The following SEZ6 variants were observed in gnomAD, a reference collection of about 807,000 sequenced individuals.
The protein encoded by SEZ6 is seizure protein 6 homolog.
Under a neutral mutation model 101.0 loss-of-function variants are expected in SEZ6, and 53 were observed. The ratio of observed to expected loss-of-function variants is 0.52; its 90% CI spans 0.42 to 0.66. SEZ6 has a LOEUF of 0.66. Among genes scored for constraint, SEZ6 ranks in the 30% least tolerant of loss-of-function variants. The pLI is 0.00. For missense variants in SEZ6, 1,102 were observed against 1,289.4 expected (o/e 0.85, Z 2.23); for synonymous variants, 488 against 512.2 (o/e 0.95, Z 0.64).
intron 1 of SEZ6, among the ~76,000 whole-genome samples, chr17:28,986,880 G>A (rs1184384651): frequency 6.6e-6 from 1 of 152,232 alleles, no homozygotes; most frequent in Admixed American, 6.5e-5. Context: ...GCAGCCTCTG[G>A]AAGGGCAGGT....
chr17:28,965,366 TACAA>T (rs772235491), intron 4 of SEZ6, among the ~76,000 whole-genome samples: 106 of 150,016 alleles, frequency 7.1e-4, no homozygotes, highest in African/African-American at 2.3e-3. Flanking sequence ...AAAACAAACT[TACAA>T]ACAAACAAAA....
intron 3 of SEZ6, among the ~76,000 whole-genome samples, chr17:28,974,831 C>T (rs1173940376): frequency 1.3e-5 from 2 of 152,220 alleles, no homozygotes; most frequent in African/African-American, 4.8e-5. Context: ...CTGGGTCTCC[C>T]ACTTTGGATT....
In SEZ6 at chr17:28,959,008, G is replaced by T. The variant is rs758311511; in HGVS notation, c.2107+17C>A. On this transcript the variant is annotated intron_variant, in intron 10 of 16. Coordinates refer to ENST00000317338, the MANE Select transcript of SEZ6 (RefSeq NM_178860.5). The surrounding 1 kb of genome is among the most constrained non-coding windows in gnomAD (Gnocchi z 4.4). ...GGCTTGCTGTCTGCACTCTGAGTGG[G>T]GTAGGGACAAGCTCACCAAAGAAGT... The T allele has an allele frequency of 3.7e-6, 6 of 1,602,398 alleles. No individual in the cohort carries two copies. The African/African-American group carries it at 5.3e-5, about 14-fold the overall frequency.
intron 1 of SEZ6, among the ~76,000 whole-genome samples, chr17:28,990,417 C>T (rs1349577924): frequency 1.3e-5 from 2 of 152,146 alleles, no homozygotes; most frequent in Non-Finnish European, 2.9e-5. Flanking sequence ...GCATGTGCCA[C>T]CACACCCAGA....
At chr17:28,996,067 C>A (rs2041533238) in intron 1 of SEZ6, among the ~76,000 whole-genome samples, 1 of 151,214 alleles carries the variant, frequency 6.6e-6, no homozygotes, top group African/African-American at 2.4e-5. Context: ...GTGGCGAGAT[C>A]TCGGCTCACT....
Position 28,960,625 on chromosome 17 carries a change from C to G in SEZ6, c.1456G>C (p.Asp486His). Residue 486 changes from aspartate (D) to histidine (H), a missense_variant, in exon 7 of 17, where the codon GAT (aspartate) becomes CAT (histidine). Physicochemically the swap from Asp to His is moderately conservative, Grantham distance 81. This residue lies in a region of SEZ6 where 556 missense variants were observed against 735.1 expected (regional missense o/e 0.76). Transcript: ENST00000317338. ...GDNVEAPPVY[D>H]SYEVEYLPIE... The stretch of plus-strand genomic sequence containing the variant: ...GGCAGGTATTCCACCTCATAGGAAT[C>G]ATACACTGGTGGGGCCTCCACGTTG... The G allele has an allele frequency of 6.3e-7, 1 of 1,594,336 alleles. No individual in the cohort carries two copies. Among genetic ancestry groups the G allele is most frequent in the Non-Finnish European group, 8.5e-7 (1 of 1,170,474 alleles).
intron 5 of SEZ6, 152 bp downstream of exon 5, chr17:28,963,810 G>T: frequency 1.2e-6 from 1 of 818,254 alleles, no homozygotes; most frequent in Non-Finnish European, 2.0e-6. Context: ...TGCTCAATAA[G>T]TGCAGGTTGG....
chr17:28,960,939 G>A lies in SEZ6; in HGVS notation c.1275C>T (p.Thr425=), dbSNP rs61737978. The part of the protein sequence containing the change: ...ACGGVIRNAT[T]GRIVSPGFPG... ...GGAAGCCTGGAGAGACGATGCGGCC[G>A]GTGGTGGCATTGCGGATCACTCCGC... Residue 425 remains threonine, a synonymous_variant, in exon 6 of 17, where the codon ACC becomes ACT. Transcript: ENST00000317338. 194 of 1,613,692 alleles carry A rather than the reference G, an allele frequency of 1.2e-4. No individual in the cohort carries two copies. The highest frequency in any genetic ancestry group is 1.7e-4 in the Admixed American group (10 of 60,000).
chr17:28,998,662 C>T (rs755804381), intron 1 of SEZ6, among the ~76,000 whole-genome samples: 3 of 152,066 alleles, frequency 2.0e-5, no homozygotes, highest in Non-Finnish European at 4.4e-5. Context: ...GAGGGTCCTC[C>T]AATAGCCAGA....
At chr17:29,001,620 CA>C (rs35775468) in intron 1 of SEZ6, among the ~76,000 whole-genome samples, 1 of 152,186 alleles carries the variant, frequency 6.6e-6, no homozygotes, top group African/African-American at 2.4e-5. Context: ...GATAAGAGCC[CA>C]AAAGCTGTTG....
intron 4 of SEZ6, 111 bp from the exon 5 acceptor site, chr17:28,964,258 C>T: frequency 4.4e-6 from 5 of 1,146,126 alleles, no homozygotes; most frequent in Non-Finnish European, 6.1e-6. Flanking sequence ...CATTTGGGGC[C>T]AGAGGAAGCA....
At chr17:28,970,074 G>A (rs905145075) in intron 3 of SEZ6, 122 bp from the exon 4 acceptor site, 18 of 861,382 alleles carry the variant, frequency 2.1e-5, no homozygotes, top group Admixed American at 4.1e-5. Context: ...CTTGAGCATC[G>A]GAGCCCCCAG....
chr17:28,957,492 T>C lies in SEZ6; in HGVS notation c.2350A>G (p.Ile784Val). 6.2e-7 allele frequency: 1 copy of C among 1,613,934 alleles called. No homozygotes were observed. Among genetic ancestry groups the C allele is most frequent in the Non-Finnish European group, 8.5e-7 (1 of 1,179,862 alleles). Residue 784 changes from isoleucine to valine, a missense_variant, in exon 12 of 17, where the codon ATA (isoleucine) becomes GTA (valine). This residue lies in a region of SEZ6 where 556 missense variants were observed against 735.1 expected (regional missense o/e 0.76). Coordinates refer to ENST00000317338, the MANE Select transcript of SEZ6 (RefSeq NM_178860.5). ...CCCACGGGAAACTTGGGGCTGGATA[T>C]GAGGCGTCGGCTGTGCTCCACATCT... ...PGDVEHSRRL[I>V]SSPKFPVGAT...
chr17:29,000,818 G>C (rs1341568054), intron 1 of SEZ6, among the ~76,000 whole-genome samples: 1 of 152,088 alleles, frequency 6.6e-6, no homozygotes, highest in East Asian at 1.9e-4. Context: ...GGGTGCTTAG[G>C]GTGGCTGTTA....
At chr17:29,001,911 C>G (rs1598217495) in intron 1 of SEZ6, among the ~76,000 whole-genome samples, 1 of 152,126 alleles carries the variant, frequency 6.6e-6, no homozygotes, top group Admixed American at 6.5e-5. Flanking sequence ...CTTTGAGGCT[C>G]TCCTGTGCTA....
rs774153297 is a variant in SEZ6 at position 28,957,462 on chromosome 17, T to C, written c.2380A>G (p.Thr794Ala). ...ISSPKFPVGATVQYICDQGFV... is the reference protein window; with the variant it reads ...ISSPKFPVGAAVQYICDQGFV... ...CCCTGGTCACAGATATATTGCACGG[T>C]GGCCCCCACGGGAAACTTGGGGCTG... Residue 794 changes from threonine to alanine, a missense_variant, in exon 12 of 17, where the codon ACC (threonine) becomes GCC (alanine). Around this residue, in one of 3 missense-constraint regions of SEZ6, gnomAD observed 556 missense variants for 735.1 expected, o/e 0.76. Transcript: ENST00000317338. The C allele has an allele frequency of 6.2e-7, 1 of 1,613,738 alleles. No homozygotes were observed. Among genetic ancestry groups the C allele is most frequent in the South Asian group, 1.1e-5 (1 of 91,048 alleles).
intron 3 of SEZ6, among the ~76,000 whole-genome samples, chr17:28,976,247 G>T (rs930255051): frequency 6.6e-6 from 1 of 152,228 alleles, no homozygotes; most frequent in Non-Finnish European, 1.5e-5. Context: ...TCCAAGCCAT[G>T]GAGAATAGGG....
At chr17:28,962,596 T>C (rs2040996662) in intron 5 of SEZ6, among the ~76,000 whole-genome samples, 1 of 150,984 alleles carries the variant, frequency 6.6e-6, no homozygotes, top group South Asian at 2.1e-4. Context: ...CTGGCCAACA[T>C]GGTGAAACCC....
chr17:28,972,551 G>A (rs1245767533), intron 3 of SEZ6, among the ~76,000 whole-genome samples: 5 of 152,200 alleles, frequency 3.3e-5, no homozygotes, highest in Non-Finnish European at 7.3e-5. Context: ...CAGGGTGCTG[G>A]AGGCCGAGGC....
Sources: gnomAD v4.1 joint callset for allele counts (sites outside exome capture counted in the v4.1 genomes callset) on GRCh38, gnomAD v4.1.1 for gene constraint, gnomAD v4.1.1 regional missense constraint, Gnocchi (gnomAD v3.1) non-coding constraint, MANE v1.5 for transcripts, NCBI Gene and HGNC (gene_info 2026-07-23, HGNC 2026-07-21) for gene names.